Variants in MTCH2 observed in about 807,000 individuals in gnomAD.
MTCH2 encodes the protein mitochondrial carrier homolog 2.
MTCH2 carries 25 observed loss-of-function variants against 50.6 expected under a neutral mutation model. The ratio of observed to expected loss-of-function variants is 0.49; its 90% CI spans 0.36 to 0.69. The LOEUF (loss-of-function observed/expected upper bound fraction) is 0.69. MTCH2 is among the 30% of genes least tolerant of loss of function. The pLI is 0.00. For missense variants in MTCH2, 273 were observed against 384.4 expected (o/e 0.71, Z 2.42); for synonymous variants, 106 against 132.0 (o/e 0.80, Z 1.35).
chr11:47,604,418 T>G, the MTCH2 span, among the ~76,000 whole-genome samples: 1 of 152,162 alleles, frequency 6.6e-6, no homozygotes, highest in Non-Finnish European at 1.5e-5. Flanking sequence ...AGTAGGAGGG[T>G]AAAATGACAC....
At chr11:47,636,364 G>T (rs914195997) in intron 3 of MTCH2, among the ~76,000 whole-genome samples, 4 of 151,780 alleles carry the variant, frequency 2.6e-5, no homozygotes, top group African/African-American at 7.3e-5. Flanking sequence ...AACCCGGGGG[G>T]TAAAGACTGC....
chr11:47,625,422 CAAA>C (rs113436646), intron 11 of MTCH2, among the ~76,000 whole-genome samples: 1 of 89,392 alleles, frequency 1.1e-5, no homozygotes, highest in African/African-American at 4.0e-5. Flanking sequence ...GACTCCATCT[CAAA>C]AAAAAAAAAA....
At chr11:47,608,957 CAAAAAAA>C in the MTCH2 span, among the ~76,000 whole-genome samples, 5 of 45,410 alleles carry the variant, frequency 1.1e-4, no homozygotes, top group South Asian at 3.6e-3. Flanking sequence ...GACTCTGTCT[CAAAAAAA>C]AAAAAAAAAA....
downstream of MTCH2, among the ~76,000 whole-genome samples, chr11:47,614,807 G>A (rs1225362569): frequency 2.6e-5 from 4 of 152,042 alleles, no homozygotes; most frequent in Admixed American, 1.3e-4. Flanking sequence ...CGAACTCCTG[G>A]CCTCAAGTGA....
chr11:47,615,526 G>C (rs1361548930), downstream of MTCH2, among the ~76,000 whole-genome samples: 2 of 152,158 alleles, frequency 1.3e-5, no homozygotes, highest in Non-Finnish European at 2.9e-5. Flanking sequence ...TGGCAAGAGG[G>C]GGAGGACATT....
the MTCH2 span, among the ~76,000 whole-genome samples, chr11:47,608,619 C>G: frequency 6.6e-6 from 1 of 152,102 alleles, no homozygotes; most frequent in Non-Finnish European, 1.5e-5. Flanking sequence ...TGTTGGGGAA[C>G]TGGGGCTGCA....
rs2097311417 is a variant in MTCH2 at position 47,638,907 on chromosome 11, A to G, written c.172+60T>C. The G allele has an allele frequency of 1.0e-5, 16 of 1,575,766 alleles. No homozygotes were observed. The South Asian group carries it at 1.8e-4, about 18-fold the overall frequency. ...TTTCTATATATTTTCTTTCAATAACAACTCCTGCCTATCACAGTCCTCAAC... is the reference window on the plus strand; with the variant it reads ...TTTCTATATATTTTCTTTCAATAACGACTCCTGCCTATCACAGTCCTCAAC... On this transcript the variant is annotated intron_variant, in intron 2 of 12. Transcript: ENST00000302503.
At chr11:47,635,442 G>T in intron 4 of MTCH2, 103 bp downstream of exon 4, 3 of 1,290,622 alleles carry the variant, frequency 2.3e-6, no homozygotes, top group South Asian at 1.2e-5. Context: ...TCACTGAGAT[G>T]AATAGGAGAC....
chr11:47,635,120 C>T (rs1452703497), intron 4 of MTCH2, among the ~76,000 whole-genome samples: 1 of 151,828 alleles, frequency 6.6e-6, no homozygotes, highest in Non-Finnish European at 1.5e-5. Flanking sequence ...CGCTCTGTCA[C>T]TCACGCGGAG....
At chr11:47,607,941 A>G in the MTCH2 span, among the ~76,000 whole-genome samples, 666 of 152,306 alleles carry the variant, frequency 4.4e-3, 2 homozygotes, top group African/African-American at 0.015. Flanking sequence ...ATTAAGATTC[A>G]TACTTCACTC....
chr11:47,605,878 G>T, the MTCH2 span, among the ~76,000 whole-genome samples: 6,986 of 152,114 alleles, frequency 0.046, 523 homozygotes, highest in African/African-American at 0.16. Flanking sequence ...CATTTTCGCC[G>T]CATCTTGTTC....
intron 5 of MTCH2, among the ~76,000 whole-genome samples, chr11:47,632,600 C>T (rs564007532): frequency 6.6e-5 from 10 of 152,082 alleles, no homozygotes; most frequent in South Asian, 2.1e-4. Flanking sequence ...CCTCATGATC[C>T]GCCCGCCTCG....
At chr11:47,627,160 C>A (rs1458767460) in intron 9 of MTCH2, 33 bp from the exon 10 acceptor site, 2 of 1,319,758 alleles carry the variant, frequency 1.5e-6, no homozygotes. Flanking sequence ...AATTAATTAC[C>A]TACAACACTA....
At position 47,617,479 on chromosome 11, in the gene MTCH2, A is replaced by G. The variant is rs2153797866; in HGVS notation, c.*1354T>C. The G allele has an allele frequency of 6.6e-6, 1 of 152,628 alleles. No homozygotes were observed. The highest frequency in any genetic ancestry group is 1.9e-4 in the East Asian group (1 of 5,192). The allele number at this position is 152,628 out of a possible 1,614,324, so 9.5% of individuals were successfully genotyped here. A position where few individuals can be genotyped will look rare whatever the true frequency, so the allele number is the denominator to read the frequency against. On this transcript the variant is annotated 3_prime_UTR_variant, in exon 13 of 13. Coordinates refer to ENST00000302503, the MANE Select transcript of MTCH2 (RefSeq NM_014342.4). The stretch of plus-strand genomic sequence containing the variant: ...GAGACATCAAAGACATTTTAAGCCG[A>G]GCTCCTCATGAGCTTCCTAAACCCC...
At chr11:47,605,421 A>AT in the MTCH2 span, among the ~76,000 whole-genome samples, 246 of 146,604 alleles carry the variant, frequency 1.7e-3, 3 homozygotes, top group South Asian at 0.016. Flanking sequence ...TATGCAGCTG[A>AT]TTTTTTTTTT....
At chr11:47,607,903 A>G in the MTCH2 span, among the ~76,000 whole-genome samples, 1 of 152,228 alleles carries the variant, frequency 6.6e-6, no homozygotes, top group Non-Finnish European at 1.5e-5. Flanking sequence ...TTTCATTATT[A>G]TAATAAAACC....
intron 1 of MTCH2, among the ~76,000 whole-genome samples, chr11:47,640,103 C>T (rs2097312642): frequency 6.6e-6 from 1 of 150,920 alleles, no homozygotes; most frequent in Non-Finnish European, 1.5e-5. Flanking sequence ...CCAAGGTGGG[C>T]GGATCACCTG....
At chr11:47,615,795 A>G (rs1224739144), downstream of MTCH2, among the ~76,000 whole-genome samples, 1 of 76,058 alleles carries the variant, frequency 1.3e-5, no homozygotes, top group African/African-American at 5.0e-5. Flanking sequence ...ACCACGCCTA[A>G]TTTTTGTATT....
Position 47,631,094 on chromosome 11 carries a change from A to C in MTCH2, c.428-7T>G. On this transcript the variant is annotated splice_polypyrimidine_tract_variant and splice_region_variant and intron_variant, in intron 6 of 12. Coordinates refer to ENST00000302503, the MANE Select transcript of MTCH2 (RefSeq NM_014342.4). Reference sequence around the variant, plus strand: ...ATAGATCTCAGAGTGATCACTGTGGAATATAGAGAAAAGATGTTTACAACT... The same window carrying C: ...ATAGATCTCAGAGTGATCACTGTGGCATATAGAGAAAAGATGTTTACAACT... 1 of 1,610,974 alleles carries C rather than the reference A, an allele frequency of 6.2e-7. No homozygotes were observed. The highest frequency in any genetic ancestry group is 8.5e-7 in the Non-Finnish European group (1 of 1,177,428).
Sources: allele counts gnomAD v4.1 joint callset (sites outside exome capture counted in the v4.1 genomes callset), GRCh38; gene constraint gnomAD v4.1.1; transcripts MANE v1.5; gene names NCBI Gene and HGNC (gene_info 2026-07-23, HGNC 2026-07-21).